Variants in ZNF521 observed in about 807,000 individuals in gnomAD.
The protein encoded by ZNF521 is zinc finger protein 521.
Under a neutral mutation model 105.5 loss-of-function variants are expected in ZNF521, and 14 were observed. The ratio of observed to expected loss-of-function variants is 0.13; its 90% confidence interval spans 0.09 to 0.21. The LOEUF (loss-of-function observed/expected upper bound fraction) is 0.21. Among genes scored for constraint, ZNF521 ranks in the 10% least tolerant of loss-of-function variants. ZNF521 has a pLI of 1.00. For synonymous variants in ZNF521, 635 were observed against 606.0 expected, an observed-to-expected ratio of 1.05 and a Z score of -0.70; for missense variants, 1,233 against 1,629.7, an observed-to-expected ratio of 0.76 and a Z score of 4.19.
intron 5 of ZNF521, among the ~76,000 whole-genome samples, chr18:25,164,988 A>T (rs958881426): frequency 1.3e-5 from 2 of 152,196 alleles, no homozygotes; most frequent in Non-Finnish European, 2.9e-5. Context: ...TCCGAAAGAT[A>T]TGACTTTCGT....
chr18:25,305,152 G>C (rs922974767), intron 3 of ZNF521, among the ~76,000 whole-genome samples: 13 of 152,134 alleles, frequency 8.5e-5, no homozygotes, highest in African/African-American at 3.1e-4. Context: ...AACTCACTTA[G>C]ACCAGATGAT....
intron 3 of ZNF521, among the ~76,000 whole-genome samples, chr18:25,263,549 A>T (rs1015691614): frequency 2.6e-5 from 4 of 151,612 alleles, no homozygotes; most frequent in African/African-American, 9.7e-5. Flanking sequence ...GTAGAGACGG[A>T]GCTTCACCAT....
chr18:25,296,722 T>C (rs1911338039), intron 3 of ZNF521, among the ~76,000 whole-genome samples: 1 of 152,188 alleles, frequency 6.6e-6, no homozygotes. Context: ...GAAGGAGGCC[T>C]TCCTGGAAAA....
chr18:25,327,468 G>T, intron 2 of ZNF521: 3 of 1,169,418 alleles, frequency 2.6e-6, no homozygotes, highest in Non-Finnish European at 3.2e-6. Context: ...AAATCAGAGA[G>T]TATCTGTTTA....
rs903214101 is a variant in ZNF521 at position 25,322,403 on chromosome 18, T to A, written c.41-216A>T. On this transcript the variant is annotated intron_variant, in intron 2 of 7. Coordinates refer to ENST00000361524, the MANE Select transcript of ZNF521 (RefSeq NM_015461.3). ...AAGGCCTTCTTCCCTTTCCCCACCA[T>A]GTAGCCCTTTTCCTCTCTCTCCCAT... 3 of 646,522 alleles carry A rather than the reference T, an allele frequency of 4.6e-6. No individual in the cohort carries two copies. The African/African-American group carries it at 5.4e-5, about 12-fold the overall frequency. The allele number at this position is 646,522 out of a possible 1,614,324, so 40.0% of individuals were successfully genotyped here.
intron 5 of ZNF521, among the ~76,000 whole-genome samples, chr18:25,141,158 C>A (rs1287825168): frequency 6.6e-6 from 1 of 152,158 alleles, no homozygotes; most frequent in African/African-American, 2.4e-5. Flanking sequence ...GTGACCAGAA[C>A]AATGCTTTAA....
At chr18:25,144,940 G>A (rs1002258149) in intron 5 of ZNF521, among the ~76,000 whole-genome samples, 4 of 152,082 alleles carry the variant, frequency 2.6e-5, no homozygotes, top group East Asian at 3.9e-4. Flanking sequence ...TCCCACAGAC[G>A]TGGAACAAAG....
At chr18:25,295,864 T>C (rs1911294282) in intron 3 of ZNF521, among the ~76,000 whole-genome samples, 1 of 152,208 alleles carries the variant, frequency 6.6e-6, no homozygotes, top group African/African-American at 2.4e-5. Flanking sequence ...AAACTTAGTG[T>C]ATAATGCCAA....
chr18:25,198,984 C>T (rs942345497), intron 4 of ZNF521, among the ~76,000 whole-genome samples: 1 of 151,850 alleles, frequency 6.6e-6, no homozygotes, highest in African/African-American at 2.4e-5. Flanking sequence ...CTTAATATCA[C>T]TAAGAATGGA....
chr18:25,093,865 C>T (rs1030878967), intron 5 of ZNF521, among the ~76,000 whole-genome samples: 2 of 151,890 alleles, frequency 1.3e-5, no homozygotes, highest in African/African-American at 4.8e-5. Flanking sequence ...CTGAAGTCAC[C>T]AAAAAATTTC....
intron 5 of ZNF521, among the ~76,000 whole-genome samples, chr18:25,122,726 G>A (rs1252043545): frequency 6.6e-6 from 1 of 152,122 alleles, no homozygotes; most frequent in African/African-American, 2.4e-5. Flanking sequence ...GCTTGTGAAT[G>A]TGAAGAAAAG....
intron 5 of ZNF521, among the ~76,000 whole-genome samples, chr18:25,142,113 A>T (rs4519409): frequency 6.6e-6 from 1 of 151,892 alleles, no homozygotes; most frequent in Non-Finnish European, 1.5e-5. Context: ...AACATATGGA[A>T]GAATGAGCTT....
chr18:25,307,831 G>A (rs1195860294), intron 3 of ZNF521, among the ~76,000 whole-genome samples: 1 of 152,094 alleles, frequency 6.6e-6, no homozygotes, highest in African/African-American at 2.4e-5. Context: ...CATGTCAAGA[G>A]CTACCTTACA....
intron 5 of ZNF521, among the ~76,000 whole-genome samples, chr18:25,144,313 AC>A (rs1362279359): frequency 6.6e-6 from 1 of 152,146 alleles, no homozygotes; most frequent in Non-Finnish European, 1.5e-5. Context: ...TCTTTTAGCC[AC>A]CCCATGCAGA....
chr18:25,224,693 A>G lies in ZNF521; in HGVS notation c.3225T>C (p.Arg1075=). 2 of 1,613,768 alleles carry G rather than the reference A, an allele frequency of 1.2e-6. No homozygotes were observed. Among genetic ancestry groups the G allele is most frequent in the Non-Finnish European group, 1.7e-6 (2 of 1,179,936 alleles). The change falls in exon 4 of 8, where the codon CGT becomes CGC. Residue 1075 remains arginine, a synonymous_variant. Coordinates refer to ENST00000361524, the MANE Select transcript of ZNF521 (RefSeq NM_015461.3). ...YKCASCLKEF[R]SKQDLVKLDI... is the part of the protein sequence containing the mutation. ...CAAGTTTCACCAGATCTTGCTTGGA[A>G]CGGAATTCTTTGAGGCAAGATGCGC...
intron 3 of ZNF521, among the ~76,000 whole-genome samples, chr18:25,251,764 C>T (rs1908136713): frequency 6.6e-6 from 1 of 152,160 alleles, no homozygotes; most frequent in Admixed American, 6.5e-5. Context: ...CTTCGGTGAA[C>T]AGCTAAATAT....
intron 5 of ZNF521, among the ~76,000 whole-genome samples, chr18:25,184,306 T>G (rs1291057167): frequency 6.6e-6 from 1 of 152,208 alleles, no homozygotes; most frequent in African/African-American, 2.4e-5. Context: ...GTAGGAATTC[T>G]CTTTGACGAT....
intron 2 of ZNF521, among the ~76,000 whole-genome samples, chr18:25,342,117 G>A (rs1914231373): frequency 6.6e-6 from 1 of 152,120 alleles, no homozygotes; most frequent in South Asian, 2.1e-4. Flanking sequence ...ACAAGCACTA[G>A]TATCCAAGTC....
chr18:25,250,407 T>C (rs948854289), intron 3 of ZNF521, among the ~76,000 whole-genome samples: 1 of 152,234 alleles, frequency 6.6e-6, no homozygotes, highest in Non-Finnish European at 1.5e-5. Flanking sequence ...TACTGTGGAA[T>C]AGATCTGAAG....
Sources: gnomAD v4.1 joint callset for allele counts (sites outside exome capture counted in the v4.1 genomes callset) on GRCh38, gnomAD v4.1.1 for gene constraint, MANE v1.5 for transcripts, NCBI Gene and HGNC (gene_info 2026-07-23, HGNC 2026-07-21) for gene names.